The following PBX4 variants were observed in gnomAD, a reference collection of about 807,000 sequenced individuals.
PBX4 encodes pre-B-cell leukemia transcription factor 4.
Under a neutral mutation model 35.1 loss-of-function variants are expected in PBX4, and 26 were observed. The ratio of observed to expected loss-of-function variants is 0.74; its 90% confidence interval spans 0.54 to 1.03. PBX4 has a LOEUF of 1.03. PBX4 is among the 50% of genes least tolerant of loss of function. PBX4 has a pLI of 0.00. For missense variants in PBX4, 448 were observed against 504.3 expected (o/e 0.89, Z 1.07); for synonymous variants, 199 against 204.2 (o/e 0.97, Z 0.22).
At position 19,564,913 on chromosome 19, in the gene PBX4, C is replaced by G; in HGVS notation, c.925+20G>C. 6.2e-7 allele frequency: 1 copy of G among 1,614,124 alleles called. No homozygotes were observed. The highest frequency in any genetic ancestry group is 8.5e-7 in the Non-Finnish European group (1 of 1,179,996). ...GTCCACATGGGTACAGATGACTGTC[C>G]CTGGGCCAGCCTCACTCACCGGAGC... On this transcript the variant is annotated intron_variant, in intron 6 of 7. Coordinates refer to ENST00000251203, the MANE Select transcript of PBX4 (RefSeq NM_025245.3).
chr19:19,578,377 C>T (rs1034439971), intron 2 of PBX4, among the ~76,000 whole-genome samples: 1 of 152,158 alleles, frequency 6.6e-6, no homozygotes, highest in Non-Finnish European at 1.5e-5. Flanking sequence ...TGCCTTTGTG[C>T]TCCCCGTACA....
At chr19:19,598,235 C>T (rs1052207840) in intron 2 of PBX4, among the ~76,000 whole-genome samples, 2 of 151,562 alleles carry the variant, frequency 1.3e-5, no homozygotes, top group East Asian at 1.9e-4. Flanking sequence ...ACAGGAAGCC[C>T]GGAGAAGGAG....
At chr19:19,565,881 A>G (rs944453833) in intron 5 of PBX4, among the ~76,000 whole-genome samples, 1 of 151,970 alleles carries the variant, frequency 6.6e-6, no homozygotes, top group South Asian at 2.1e-4. Flanking sequence ...TCGCACTGCA[A>G]TTTAGCCTGG....
chr19:19,616,107 A>G (rs1004311059), intron 1 of PBX4, among the ~76,000 whole-genome samples: 4 of 152,032 alleles, frequency 2.6e-5, no homozygotes, highest in African/African-American at 9.7e-5. Context: ...CTCATCCTCC[A>G]AAAGGACTTC....
intron 2 of PBX4, among the ~76,000 whole-genome samples, chr19:19,597,305 A>C (rs1262975432): frequency 6.6e-6 from 1 of 152,230 alleles, no homozygotes; most frequent in Non-Finnish European, 1.5e-5. Context: ...TGTAGATTTA[A>C]ACTTGAATTT....
At chr19:19,603,298 G>T (rs748027365) in intron 1 of PBX4, among the ~76,000 whole-genome samples, 45 of 151,694 alleles carry the variant, frequency 3.0e-4, no homozygotes, top group African/African-American at 9.9e-4. Flanking sequence ...AGTCAAAGGG[G>T]TTTTTTTTCT....
At chr19:19,609,774 C>T (rs1052919353) in intron 1 of PBX4, among the ~76,000 whole-genome samples, 1 of 152,020 alleles carries the variant, frequency 6.6e-6, no homozygotes, top group African/African-American at 2.4e-5. Flanking sequence ...TGGCGTGAAC[C>T]CGGGGGGCGG....
intron 2 of PBX4, among the ~76,000 whole-genome samples, chr19:19,576,850 G>A (rs756137739): frequency 2.6e-4 from 39 of 151,538 alleles, no homozygotes; most frequent in Non-Finnish European, 5.2e-4. Flanking sequence ...CTGTCCTCAA[G>A]CGAGCCTCCA....
At chr19:19,579,076 C>T (rs532108989) in intron 2 of PBX4, among the ~76,000 whole-genome samples, 10 of 152,190 alleles carry the variant, frequency 6.6e-5, no homozygotes, top group South Asian at 4.1e-4. Flanking sequence ...CTGGGCCGGG[C>T]GTGGTGGCTC....
At chr19:19,606,562 C>T (rs1214687343) in intron 1 of PBX4, 1 of 152,188 alleles carries the variant, frequency 6.6e-6, no homozygotes, top group Admixed American at 6.5e-5. Flanking sequence ...CTGTTTTAAG[C>T]TGCTAGGCTT....
rs1056381416 is a variant in PBX4 at position 19,564,870 on chromosome 19, A to G, written c.925+63T>C. 24 of 1,600,654 alleles carry G rather than the reference A, an allele frequency of 1.5e-5. No individual in the cohort carries two copies. The Middle Eastern group carries it at 6.9e-4, about 46-fold the overall frequency. On this transcript the variant is annotated intron_variant, in intron 6 of 7. Coordinates refer to ENST00000251203, the MANE Select transcript of PBX4 (RefSeq NM_025245.3). ...GATGTGGTCCCACTGTGGCCTCCCC[A>G]GATGCAGCTCAGTGGCCGTCCACAT...
At chr19:19,602,243 T>TAATA (rs1165138331) in intron 1 of PBX4, among the ~76,000 whole-genome samples, 4 of 151,988 alleles carry the variant, frequency 2.6e-5, no homozygotes, top group African/African-American at 4.8e-5. Context: ...AACCTGTCTC[T>TAATA]AATAAATAAA....
chr19:19,598,996 C>T (rs1036560450), intron 2 of PBX4, among the ~76,000 whole-genome samples: 4 of 149,826 alleles, frequency 2.7e-5, no homozygotes, highest in African/African-American at 9.9e-5. Flanking sequence ...TGGCTCACCG[C>T]ACACTCTTGT....
At chr19:19,590,213 C>T (rs1383767539) in intron 2 of PBX4, among the ~76,000 whole-genome samples, 1 of 152,184 alleles carries the variant, frequency 6.6e-6, no homozygotes, top group Non-Finnish European at 1.5e-5. Context: ...TCTCTATGAG[C>T]AGTCACTCTT....
intron 1 of PBX4, among the ~76,000 whole-genome samples, chr19:19,616,443 A>C (rs1195179789): frequency 6.6e-6 from 1 of 151,742 alleles, no homozygotes; most frequent in Non-Finnish European, 1.5e-5. Flanking sequence ...CAGCCTCCCA[A>C]GTAGCTGGGA....
intron 2 of PBX4, among the ~76,000 whole-genome samples, chr19:19,585,133 C>A (rs2061481030): frequency 6.6e-6 from 1 of 151,956 alleles, no homozygotes; most frequent in African/African-American, 2.4e-5. Context: ...GCAGACCAGC[C>A]TGGCCAACAT....
chr19:19,590,642 T>C (rs1289650719), intron 2 of PBX4, among the ~76,000 whole-genome samples: 1 of 152,120 alleles, frequency 6.6e-6, no homozygotes, highest in Non-Finnish European at 1.5e-5. Context: ...CTAATTTTTA[T>C]ATTTTTAGTA....
intron 1 of PBX4, among the ~76,000 whole-genome samples, chr19:19,606,946 G>A (rs753626094): frequency 2.0e-4 from 31 of 152,174 alleles, no homozygotes; most frequent in Non-Finnish European, 3.7e-4. Context: ...AGCCAAGATC[G>A]CGCCACTGAA....
intron 5 of PBX4, among the ~76,000 whole-genome samples, chr19:19,566,310 C>A (rs1164047770): frequency 6.6e-6 from 1 of 152,306 alleles, no homozygotes; most frequent in South Asian, 2.1e-4. Context: ...TTGGCACCCA[C>A]TGGGTGCCAG....
Sources: allele counts gnomAD v4.1 joint callset (sites outside exome capture counted in the v4.1 genomes callset), GRCh38; gene constraint gnomAD v4.1.1; transcripts MANE v1.5; gene names NCBI Gene and HGNC (gene_info 2026-07-23, HGNC 2026-07-21).